Variants in PSMD1 observed in about 807,000 individuals in gnomAD.
PSMD1 encodes the protein 26S proteasome non-ATPase regulatory subunit 1.
Under a neutral mutation model 119.0 loss-of-function variants are expected in PSMD1, and 18 were observed. That is an observed-to-expected ratio of 0.15 (90% CI 0.10 to 0.22). The LOEUF (loss-of-function observed/expected upper bound fraction) is 0.22, where lower values mean the gene tolerates loss of function less well. Among genes scored for constraint, PSMD1 ranks in the 10% least tolerant of loss-of-function variants. PSMD1 has a pLI of 1.00. For synonymous variants in PSMD1, 374 were observed against 396.6 expected (o/e 0.94, Z 0.68); for missense variants, 702 against 1,158.5 (o/e 0.61, Z 5.72).
At chr2:231,060,277 G>A (rs1693723255) in intron 1 of PSMD1, 1 of 152,136 alleles carries the variant, frequency 6.6e-6, no homozygotes. Context: ...GTTTTGCTTG[G>A]TAAATTTTGT....
intron 17 of PSMD1, among the ~76,000 whole-genome samples, chr2:231,143,633 G>A (rs1474789074): frequency 6.6e-6 from 1 of 152,110 alleles, no homozygotes; most frequent in Non-Finnish European, 1.5e-5. Context: ...GACAAATGCT[G>A]GTATAAACAA....
Position 231,165,988 on chromosome 2 carries a change from G to A in PSMD1, c.2686G>A (p.Glu896Lys). 1 of 1,613,716 alleles carries A rather than the reference G, an allele frequency of 6.2e-7. No individual in the cohort carries two copies. The highest frequency in any genetic ancestry group is 2.2e-5 in the East Asian group (1 of 44,876). ...CCAGCTTAAGGTCCTAACCATGCCG[G>A]AGACCTGTAGATACCAGCCTTTCAA... ...PAQLKVLTMP[E>K]TCRYQPFKPL... The change falls in exon 23 of 25, where the codon GAG becomes AAG. Residue 896 changes from glutamate to lysine, a missense_variant. Transcript: ENST00000308696.
chr2:231,099,317 TC>T (rs2125191882), intron 16 of PSMD1, among the ~76,000 whole-genome samples: 2 of 152,292 alleles, frequency 1.3e-5, no homozygotes, highest in Non-Finnish European at 2.9e-5. Flanking sequence ...GCCTAGTTCT[TC>T]CTGAGACACT....
chr2:231,096,845 G>A (rs965118055), intron 16 of PSMD1, among the ~76,000 whole-genome samples: 4 of 152,202 alleles, frequency 2.6e-5, no homozygotes, highest in African/African-American at 7.2e-5. Flanking sequence ...GACGGGGTGA[G>A]CGCTTTGGCG....
chr2:231,098,972 C>T (rs1694799197), intron 16 of PSMD1, among the ~76,000 whole-genome samples: 1 of 152,148 alleles, frequency 6.6e-6, no homozygotes, highest in Non-Finnish European at 1.5e-5. Flanking sequence ...CATTGTTCTA[C>T]TTCACACTGG....
At chr2:231,110,851 C>A (rs1238258272) in intron 16 of PSMD1, among the ~76,000 whole-genome samples, 1 of 152,230 alleles carries the variant, frequency 6.6e-6, no homozygotes, top group Admixed American at 6.5e-5. Context: ...AATGGAGGAG[C>A]TGTGACAGAA....
chr2:231,158,502 T>TATCAA (rs1696561814), intron 19 of PSMD1, among the ~76,000 whole-genome samples: 2 of 152,212 alleles, frequency 1.3e-5, no homozygotes, highest in Admixed American at 1.3e-4. Flanking sequence ...TCTACCTTAT[T>TATCAA]TATTAAATCT....
At chr2:231,063,964 CT>C (rs926350139) in intron 4 of PSMD1, among the ~76,000 whole-genome samples, 4 of 149,234 alleles carry the variant, frequency 2.7e-5, no homozygotes, top group South Asian at 2.1e-4. Context: ...CACAGCCAGC[CT>C]TTTTTTTTTC....
At chr2:231,066,590 G>A (rs1459608824) in intron 4 of PSMD1, among the ~76,000 whole-genome samples, 5 of 152,248 alleles carry the variant, frequency 3.3e-5, no homozygotes, top group South Asian at 4.1e-4. Flanking sequence ...TGGTGCTCAG[G>A]CTGGCGTTGA....
At chr2:231,061,056 A>G (rs923473231) in intron 1 of PSMD1, among the ~76,000 whole-genome samples, 2 of 152,214 alleles carry the variant, frequency 1.3e-5, no homozygotes, top group African/African-American at 4.8e-5. Context: ...AAATGATGTA[A>G]TATATGTGGT....
intron 16 of PSMD1, among the ~76,000 whole-genome samples, chr2:231,134,990 T>C (rs1695936132): frequency 6.6e-6 from 1 of 152,216 alleles, no homozygotes; most frequent in Admixed American, 6.5e-5. Flanking sequence ...ATTTTACCTA[T>C]AGTACCTGGC....
At chr2:231,098,806 G>A (rs1694793437) in intron 16 of PSMD1, among the ~76,000 whole-genome samples, 1 of 152,176 alleles carries the variant, frequency 6.6e-6, no homozygotes, top group Admixed American at 6.5e-5. Flanking sequence ...AGCAGTTTAA[G>A]CACCTTTTTA....
chr2:231,130,104 C>T (rs1695819880), intron 16 of PSMD1, among the ~76,000 whole-genome samples: 5 of 152,110 alleles, frequency 3.3e-5, no homozygotes, highest in Admixed American at 2.6e-4. Flanking sequence ...CCACCACACC[C>T]GGCCAATGGC....
rs1694269173 is a variant in PSMD1 at position 231,080,048 on chromosome 2, C to T, written c.1240-93C>T. ...ACCTCCTTCTCTCTTAGCAAGTGAA[C>T]ATTCTGGGGAAAAGGCAGTAATCAT... On this transcript the variant is annotated intron_variant, in intron 11 of 24. Coordinates refer to ENST00000308696, the MANE Select transcript of PSMD1 (RefSeq NM_002807.4). 8 of 1,146,194 alleles carry T rather than the reference C, an allele frequency of 7.0e-6. No individual in the cohort carries two copies. In the South Asian group the frequency reaches 1.3e-4, roughly 18 times the overall value. The allele number at this position is 1,146,194 out of a possible 1,614,324, so 71.0% of individuals were successfully genotyped here.
chr2:231,105,997 G>A (rs1457465228), intron 16 of PSMD1, among the ~76,000 whole-genome samples: 1 of 143,698 alleles, frequency 7.0e-6, no homozygotes, highest in Admixed American at 6.9e-5. Context: ...CCATTAATTG[G>A]CAGTAACATG....
intron 14 of PSMD1, 91 bp from the exon 15 acceptor site, chr2:231,084,928 G>C (rs1288657904): frequency 4.0e-6 from 4 of 998,860 alleles, no homozygotes; most frequent in African/African-American, 3.2e-5. Flanking sequence ...TCTGAGACCA[G>C]CTTACTTGGT....
chr2:231,110,434 A>G (rs1324556704), intron 16 of PSMD1, among the ~76,000 whole-genome samples: 1 of 152,228 alleles, frequency 6.6e-6, no homozygotes, highest in Non-Finnish European at 1.5e-5. Flanking sequence ...AGCTTATTAG[A>G]AAGACAAATA....
At chr2:231,167,449 C>T (rs928836501) in intron 23 of PSMD1, among the ~76,000 whole-genome samples, 1 of 152,218 alleles carries the variant, frequency 6.6e-6, no homozygotes, top group Non-Finnish European at 1.5e-5. Context: ...TAAATGATTG[C>T]TAAGCCTTTG....
At chr2:231,165,762 G>A (rs576796345) in intron 22 of PSMD1, 109 bp from the exon 23 acceptor site, 12 of 943,054 alleles carry the variant, frequency 1.3e-5, no homozygotes, top group African/African-American at 1.7e-5. Flanking sequence ...CATTACTACC[G>A]ACCACTACCT....
Sources: allele counts gnomAD v4.1 joint callset (sites outside exome capture counted in the v4.1 genomes callset), GRCh38; gene constraint gnomAD v4.1.1; transcripts MANE v1.5; gene names NCBI Gene and HGNC (gene_info 2026-07-23, HGNC 2026-07-21).